Variants in GALNT16 observed in about 807,000 individuals in gnomAD.
GALNT16 encodes UDP-GalNAc:polypeptide N-acetylgalactosaminyltransferase-like protein 1.
Under a neutral mutation model 76.1 loss-of-function variants are expected in GALNT16, and 40 were observed. The ratio of observed to expected loss-of-function variants is 0.53; its 90% CI spans 0.41 to 0.68. GALNT16 has a LOEUF of 0.68. GALNT16 is among the 30% of genes least tolerant of loss of function. The probability of loss-of-function intolerance (pLI) is 0.00; values close to 1 mark genes in which losing one functional copy is unlikely to be tolerated. For missense variants in GALNT16, 621 were observed against 731.9 expected, an observed-to-expected ratio of 0.85 and a Z score of 1.75; for synonymous variants, 276 against 285.2, an observed-to-expected ratio of 0.97 and a Z score of 0.32.
At chr14:69,339,732 G>A in intron 11 of GALNT16, 113 bp downstream of exon 11, 1 of 642,754 alleles carries the variant, frequency 1.6e-6, no homozygotes. Context: ...CCCAGCCACT[G>A]AGGTCCCACT....
chr14:69,373,776 CTT>C, the GALNT16 span, among the ~76,000 whole-genome samples: 4 of 150,884 alleles, frequency 2.7e-5, no homozygotes, highest in African/African-American at 7.3e-5. Context: ...CTCTTTCTCT[CTT>C]TCCTTTTTCT....
At chr14:69,271,582 C>T (rs2044408684) in intron 1 of GALNT16, among the ~76,000 whole-genome samples, 1 of 152,226 alleles carries the variant, frequency 6.6e-6, no homozygotes, top group Non-Finnish European at 1.5e-5. Context: ...GCAGTGGTTG[C>T]CGGCCACAGG....
intron 14 of GALNT16, 62 bp from the exon 15 acceptor site, chr14:69,351,969 A>G (rs2045642406): frequency 6.7e-7 from 1 of 1,483,176 alleles, no homozygotes; most frequent in East Asian, 2.3e-5. Context: ...TGAAAGTACA[A>G]CATTATTTTT....
At chr14:69,367,766 A>T in the GALNT16 span, among the ~76,000 whole-genome samples, 1 of 151,984 alleles carries the variant, frequency 6.6e-6, no homozygotes, top group African/African-American at 2.4e-5. Flanking sequence ...GTGGGGGGGA[A>T]CTGCTTGAGG....
intron 1 of GALNT16, among the ~76,000 whole-genome samples, chr14:69,282,650 C>CTATT (rs34689381): frequency 0.15 from 22,193 of 147,220 alleles, 2,120 homozygotes; most frequent in East Asian, 0.42. Flanking sequence ...AGAATTTGTC[C>CTATT]TATTTATTTA....
intron 13 of GALNT16, among the ~76,000 whole-genome samples, chr14:69,347,397 G>A (rs745797053): frequency 6.6e-6 from 1 of 152,176 alleles, no homozygotes. Context: ...TGTTCTTGCC[G>A]AGGGAGAAGA....
At chr14:69,317,154 G>T (rs1261944503) in intron 1 of GALNT16, among the ~76,000 whole-genome samples, 1 of 152,178 alleles carries the variant, frequency 6.6e-6, no homozygotes, top group African/African-American at 2.4e-5. Flanking sequence ...CCAGTCTCTT[G>T]AGCTGGTCCA....
intron 5 of GALNT16, among the ~76,000 whole-genome samples, chr14:69,327,488 C>T (rs529425186): frequency 1.3e-5 from 2 of 152,218 alleles, no homozygotes; most frequent in Admixed American, 6.5e-5. Flanking sequence ...CTGTAGGTAC[C>T]GTCAGGTCTG....
chr14:69,277,543 G>A (rs1022847290), intron 1 of GALNT16, among the ~76,000 whole-genome samples: 1 of 152,196 alleles, frequency 6.6e-6, no homozygotes, highest in Non-Finnish European at 1.5e-5. Context: ...TCCCTACAAA[G>A]GACATAAACT....
At chr14:69,282,473 C>G (rs1469806866) in intron 1 of GALNT16, among the ~76,000 whole-genome samples, 2 of 152,094 alleles carry the variant, frequency 1.3e-5, no homozygotes, top group Non-Finnish European at 2.9e-5. Context: ...CCCTCTCCAG[C>G]CTGTACCTTG....
intron 4 of GALNT16, among the ~76,000 whole-genome samples, chr14:69,325,684 A>T (rs552578959): frequency 6.6e-6 from 1 of 152,236 alleles, no homozygotes; most frequent in African/African-American, 2.4e-5. Flanking sequence ...TACAACTGCC[A>T]AATGCAGATG....
At chr14:69,385,407 CTGAGA>C in the GALNT16 span, among the ~76,000 whole-genome samples, 17 of 152,198 alleles carry the variant, frequency 1.1e-4, no homozygotes, top group African/African-American at 4.1e-4. Context: ...CCTTATCTTT[CTGAGA>C]TAACTGAAGC....
chr14:69,290,154 A>G (rs1440632532), intron 1 of GALNT16, among the ~76,000 whole-genome samples: 1 of 152,228 alleles, frequency 6.6e-6, no homozygotes, highest in Non-Finnish European at 1.5e-5. Context: ...AGTGGTAGTT[A>G]TTGTCACACG....
In GALNT16 at chr14:69,301,581, C is replaced by T. The variant is rs560835191; in HGVS notation, c.178-19130C>T. On this transcript the variant is annotated intron_variant, in intron 1 of 14. Transcript: ENST00000448469. ...GTTGGCCAGGCTGATCTCAGAGACT[C>T]GCCTGCCTCAGCCTCCCAAAGTGCT... Among the ~76,000 whole-genome samples, 5 of 152,182 alleles carry T rather than the reference C, an allele frequency of 3.3e-5. No homozygotes were observed. In the East Asian group the frequency reaches 9.7e-4, roughly 30 times the overall value.
intron 2 of GALNT16, among the ~76,000 whole-genome samples, chr14:69,322,990 A>ACACGTG (rs2045224194): frequency 4.4e-5 from 1 of 22,644 alleles, no homozygotes; most frequent in African/African-American, 1.8e-4. Context: ...GTGCGCGCGC[A>ACACGTG]CGCGCGCACG....
chr14:69,368,804 A>G, the GALNT16 span, among the ~76,000 whole-genome samples: 7 of 152,224 alleles, frequency 4.6e-5, no homozygotes, highest in African/African-American at 1.4e-4. Context: ...TCGACTAGAA[A>G]GAAGGAATCT....
intron 1 of GALNT16, among the ~76,000 whole-genome samples, chr14:69,312,103 A>G (rs559447794): frequency 4.7e-5 from 7 of 147,886 alleles, no homozygotes; most frequent in African/African-American, 1.0e-4. Flanking sequence ...CTATCTATCT[A>G]TATCTATCTA....
At chr14:69,320,948 A>T in intron 2 of GALNT16, 80 bp downstream of exon 2, 1 of 1,331,644 alleles carries the variant, frequency 7.5e-7, no homozygotes, top group Non-Finnish European at 1.1e-6. Context: ...TTTTACGTGT[A>T]TCTAAGAAAT....
intron 1 of GALNT16, among the ~76,000 whole-genome samples, chr14:69,299,537 T>C (rs1594832840): frequency 6.6e-6 from 1 of 152,048 alleles, no homozygotes; most frequent in South Asian, 2.1e-4. Flanking sequence ...TAAGGTGGGG[T>C]GGGGAGTGCT....
Sources: gnomAD v4.1 joint callset for allele counts (sites outside exome capture counted in the v4.1 genomes callset) on GRCh38, gnomAD v4.1.1 for gene constraint, MANE v1.5 for transcripts, NCBI Gene and HGNC (gene_info 2026-07-23, HGNC 2026-07-21) for gene names.